ASAP3: variants seen among roughly 807,000 people sequenced by gnomAD.
ASAP3 encodes ArfGAP with SH3 domain, ankyrin repeat and PH domain 3.
A neutral mutation model predicts 118.2 loss-of-function variants in ASAP3; 85 were observed. The ratio of observed to expected loss-of-function variants is 0.72; its 90% CI spans 0.60 to 0.86. The LOEUF (loss-of-function observed/expected upper bound fraction) is 0.86. Among genes scored for constraint, ASAP3 ranks in the 40% least tolerant of loss-of-function variants. The probability of loss-of-function intolerance (pLI) is 0.00; values close to 1 mark genes in which losing one functional copy is unlikely to be tolerated. For synonymous variants in ASAP3, 432 were observed against 477.4 expected, an observed-to-expected ratio of 0.90 and a Z score of 1.24; for missense variants, 1,026 against 1,175.0, an observed-to-expected ratio of 0.87 and a Z score of 1.85.
rs765566407 is a variant in ASAP3, at chr1:23,439,139, T to TC, written c.1014+21dup. Reference sequence around the variant, plus strand: ...AAGAGGGTCCATCGTGCCCTGAGACTCCCACCACCTCTAGGCCTCACCGTG... The same window carrying TC: ...AAGAGGGTCCATCGTGCCCTGAGACTCCCCACCACCTCTAGGCCTCACCGTG... On this transcript the variant is annotated intron_variant, in intron 11 of 24. Coordinates refer to ENST00000336689, the MANE Select transcript of ASAP3 (RefSeq NM_017707.4). The TC allele has an allele frequency of 2.7e-5, 43 of 1,613,106 alleles. No individual in the cohort carries two copies. In the Admixed American group the frequency reaches 4.2e-4, roughly 16 times the overall value.
chr1:23,469,790 G>A (rs1641901598), intron 1 of ASAP3, among the ~76,000 whole-genome samples: 1 of 152,196 alleles, frequency 6.6e-6, no homozygotes, highest in Non-Finnish European at 1.5e-5. Flanking sequence ...TGAGGCTGGG[G>A]TAGGTTAGGC....
At chr1:23,459,975 G>A (rs80133378) in intron 1 of ASAP3, among the ~76,000 whole-genome samples, 2,837 of 152,252 alleles carry the variant, frequency 0.019, 37 homozygotes, top group Non-Finnish European at 0.028. Context: ...CTGTGGTCAT[G>A]GGACTAAGTC....
chr1:23,481,384 C>G (rs1269868100), intron 1 of ASAP3, among the ~76,000 whole-genome samples: 1 of 152,170 alleles, frequency 6.6e-6, no homozygotes, highest in Non-Finnish European at 1.5e-5. Flanking sequence ...GTGGGTTAGT[C>G]AAGCCCAGAA....
chr1:23,441,235 G>A, intron 9 of ASAP3, 24 bp from the exon 10 acceptor site: 3 of 1,613,504 alleles, frequency 1.9e-6, no homozygotes, highest in Non-Finnish European at 2.5e-6. Flanking sequence ...ATGCAAAGGA[G>A]ACCTCAGGGC....
intron 5 of ASAP3, among the ~76,000 whole-genome samples, chr1:23,450,608 T>TA (rs552660829): frequency 5.2e-4 from 76 of 146,302 alleles, no homozygotes; most frequent in Non-Finnish European, 7.6e-4. Context: ...CCAGACCTTG[T>TA]AAAAAAAAAA....
chr1:23,442,203 G>A lies in ASAP3; in HGVS notation c.654C>T (p.Phe218=), dbSNP rs138247317. 1 of 1,603,636 alleles carries A rather than the reference G, an allele frequency of 6.2e-7. No individual in the cohort carries two copies. The highest frequency in any genetic ancestry group is 8.5e-7 in the Non-Finnish European group (1 of 1,175,890). Reference sequence around the variant, plus strand: ...ATACCTACTTGTGCTGGGCGTGGAAGAACTTGATGAGGCTCTGAAGGAAGT... The same window carrying A: ...ATACCTACTTGTGCTGGGCGTGGAAAAACTTGATGAGGCTCTGAAGGAAGT... ...GPDFLQSLIK[F]FHAQHNFFQD... The change falls in exon 7 of 25, where the codon TTC becomes TTT. Residue 218 remains phenylalanine (F), a synonymous_variant. Coordinates refer to ENST00000336689, the MANE Select transcript of ASAP3 (RefSeq NM_017707.4).
rs771413706 is a variant in ASAP3, at chr1:23,437,490, G to T, written c.1103-18C>A. The T allele has an allele frequency of 2.5e-6, 4 of 1,613,946 alleles. No homozygotes were observed. In the Admixed American group the frequency reaches 5.0e-5, roughly 20 times the overall value. ...CCGGTTGTCTGTCGGGAGAGAAGGG[G>T]GCTTCTGACCCACAGAAATGCTGCT... On this transcript the variant is annotated intron_variant, in intron 12 of 24. Transcript: ENST00000336689. The surrounding 1 kb of genome is among the most constrained non-coding windows in gnomAD (Gnocchi z 6.1).
chr1:23,431,167 G>A (rs1265593677), intron 23 of ASAP3, 42 bp from the exon 24 acceptor site: 3 of 1,545,700 alleles, frequency 1.9e-6, no homozygotes, highest in East Asian at 2.4e-5. Flanking sequence ...CATGTCCAGA[G>A]AGCCCCTCAG....
At chr1:23,475,277 A>G (rs1345773564) in intron 1 of ASAP3, among the ~76,000 whole-genome samples, 1 of 152,194 alleles carries the variant, frequency 6.6e-6, no homozygotes, top group Non-Finnish European at 1.5e-5. Flanking sequence ...GAACAGTGAC[A>G]CAGCGATGGC....
Position 23,431,813 on chromosome 1 carries a change from TC to T in ASAP3, c.2428del (p.Asp810IlefsTer24), listed in dbSNP as rs1417574469. 1.3e-6 allele frequency: 2 copies of T among 1,560,180 alleles called. No homozygotes were observed. Among genetic ancestry groups the T allele is most frequent in the Non-Finnish European group, 1.7e-6 (2 of 1,159,942 alleles). ...AGAGTTGGGTGGGGCTTGGCTGGGA[TC>T]CCCAGGTTCCAAGGGGCTCATCAGA... ...SSLMSPLEPG[D>X]PSQAPPNSEE... On this transcript the variant is annotated frameshift_variant, in exon 23 of 25. Coordinates refer to ENST00000336689, the MANE Select transcript of ASAP3 (RefSeq NM_017707.4). LOFTEE classifies it high-confidence loss of function.
intron 1 of ASAP3, among the ~76,000 whole-genome samples, chr1:23,460,167 C>T (rs144633384): frequency 6.6e-6 from 1 of 152,128 alleles, no homozygotes; most frequent in African/African-American, 2.4e-5. Flanking sequence ...AGGGACTACA[C>T]ACCTGTTAGA....
In ASAP3 at chr1:23,433,231, A is replaced by C. The variant is rs1025100874; in HGVS notation, c.2169T>G (p.Ser723Arg). 8.7e-6 allele frequency: 14 copies of C among 1,612,442 alleles called. No individual in the cohort carries two copies. Among genetic ancestry groups the C allele is most frequent in the Non-Finnish European group, 1.1e-5 (13 of 1,179,110 alleles). The part of the protein sequence containing the change: ...LKLPAQAHWA[S>R]GRLDISNKTY... ...TCTTGTTGCTGATGTCCAGCCTCCCACTGGCCCAGTGAGCCTGGGCCGGGA... is the reference window on the plus strand; with the variant it reads ...TCTTGTTGCTGATGTCCAGCCTCCCCCTGGCCCAGTGAGCCTGGGCCGGGA... Residue 723 changes from serine to arginine, a missense_variant, in exon 22 of 25, where the codon AGT becomes AGG. Coordinates refer to ENST00000336689, the MANE Select transcript of ASAP3 (RefSeq NM_017707.4).
intron 19 of ASAP3, 76 bp from the exon 20 acceptor site, chr1:23,433,769 G>A: frequency 6.3e-7 from 1 of 1,584,710 alleles, no homozygotes; most frequent in South Asian, 1.1e-5. Context: ...ACGGGCCTCT[G>A]GAATCAGAAT....
In ASAP3 at chr1:23,431,083, A is replaced by G; in HGVS notation, c.2589T>C (p.Pro863=). Residue 863 remains proline (P), a synonymous_variant, in exon 24 of 25, where the codon CCT becomes CCC. Transcript: ENST00000336689. The stretch of plus-strand genomic sequence containing the variant: ...GCTGCCTGGCTGAGGGACCATCTTC[A>G]GGGCTCCGCGCCCCCCGCCGATAGG... The part of the protein sequence containing the change: ...TRSYRRGARS[P]EDGPSARQPL... 1 of 1,575,962 alleles carries G rather than the reference A, an allele frequency of 6.3e-7. No homozygotes were observed. Among genetic ancestry groups the G allele is most frequent in the South Asian group, 1.2e-5 (1 of 85,702 alleles).
chr1:23,484,487 A>C (rs1257649010), upstream of ASAP3: 7 of 161,180 alleles, frequency 4.3e-5, no homozygotes, highest in Non-Finnish European at 7.6e-5. Context: ...GCCTCAGTAG[A>C]AACTCCTCCG....
rs1640871812 is a variant in ASAP3, at chr1:23,441,484, G to C, written c.748-11C>G. On this transcript the variant is annotated splice_polypyrimidine_tract_variant and intron_variant, in intron 8 of 24. Transcript: ENST00000336689. ...CTGGGCCTGATGGAGCTATGGGACAGAGGATGGGATCCCATCACCAGCCAA... is the reference window on the plus strand; with the variant it reads ...CTGGGCCTGATGGAGCTATGGGACACAGGATGGGATCCCATCACCAGCCAA... 6.2e-7 allele frequency: 1 copy of C among 1,613,844 alleles called. No individual in the cohort carries two copies. Among genetic ancestry groups the C allele is most frequent in the African/African-American group, 1.3e-5 (1 of 74,946 alleles).
chr1:23,455,942 G>A lies in ASAP3; in HGVS notation c.287C>T (p.Ser96Phe). The change falls in exon 3 of 25, where the codon TCC becomes TTC. Residue 96 changes from serine to phenylalanine, a missense_variant. Coordinates refer to ENST00000336689, the MANE Select transcript of ASAP3 (RefSeq NM_017707.4). ...SHLSQNSHEL[S>F]TGFLNLAVFT... Reference sequence around the variant, plus strand: ...CACGGCCAAGTTTAGGAAGCCTGTGGACAGCTCATGGCTGTTCTGGGACAG... The same window carrying A: ...CACGGCCAAGTTTAGGAAGCCTGTGAACAGCTCATGGCTGTTCTGGGACAG... 1 of 1,614,192 alleles carries A rather than the reference G, an allele frequency of 6.2e-7. No homozygotes were observed. Among genetic ancestry groups the A allele is most frequent in the Non-Finnish European group, 8.5e-7 (1 of 1,180,034 alleles).
chr1:23,431,597 CCA>C, intron 23 of ASAP3, 97 bp downstream of exon 23: 1 of 1,167,350 alleles, frequency 8.6e-7, no homozygotes, highest in South Asian at 1.6e-5. Context: ...GGCGTGTGAC[CCA>C]GTCTTTAGGC....
chr1:23,441,154 T>A lies in ASAP3; in HGVS notation c.892A>T (p.Asn298Tyr), dbSNP rs1287410261. The change falls in exon 10 of 25, where the codon AAC becomes TAC. Residue 298 changes from asparagine to tyrosine, a missense_variant. Physicochemically the swap from Asn to Tyr is moderately radical, Grantham distance 143 (BLOSUM62 -2). Coordinates refer to ENST00000336689, the MANE Select transcript of ASAP3 (RefSeq NM_017707.4). ...ACTTTCTCCGTCCCAAACTGCTTGT[T>A]GCCTTGGTGCTGGTGGATGCTATAG... is the stretch of plus-strand genomic sequence containing the variant. ...CGYSIHQHQG[N>Y]KQFGTEKVGF... The A allele has an allele frequency of 1.2e-6, 2 of 1,614,222 alleles. No individual in the cohort carries two copies. Among genetic ancestry groups the A allele is most frequent in the African/African-American group, 2.7e-5 (2 of 75,060 alleles).
Sources: allele counts gnomAD v4.1 joint callset (sites outside exome capture counted in the v4.1 genomes callset), GRCh38; gene constraint gnomAD v4.1.1; non-coding constraint Gnocchi (gnomAD v3.1); transcripts MANE v1.5; gene names NCBI Gene and HGNC (gene_info 2026-07-23, HGNC 2026-07-21).